DCN: variants seen among roughly 807,000 people sequenced by gnomAD.
The protein encoded by DCN is bone proteoglycan II.
DCN carries 17 observed loss-of-function variants against 36.5 expected under a neutral mutation model. The observed-to-expected ratio is 0.47, with a 90% confidence interval of 0.32 to 0.70. DCN has a LOEUF of 0.70. Ranked by LOEUF, DCN falls within the 30% of genes least tolerant of loss-of-function variation. The pLI is 0.04. For missense variants in DCN, 389 were observed against 430.1 expected, an observed-to-expected ratio of 0.90 and a Z score of 0.84; for synonymous variants, 163 against 161.4, an observed-to-expected ratio of 1.01 and a Z score of -0.07.
At position 91,158,436 on chromosome 12, in the gene DCN, C is replaced by T. The variant is rs766045934; in HGVS notation, c.398G>A (p.Arg133Gln). 2 of 1,610,382 alleles carry T rather than the reference C, an allele frequency of 1.2e-6. No individual in the cohort carries two copies. Among genetic ancestry groups the T allele is most frequent in the Non-Finnish European group, 1.7e-6 (2 of 1,176,658 alleles). ...CAGCTGATTCTTGGACAGATAAAGTCGTTCCAACTTCACCAAAGGTGTAAA... is the reference window on the plus strand; with the variant it reads ...CAGCTGATTCTTGGACAGATAAAGTTGTTCCAACTTCACCAAAGGTGTAAA... ...GAFTPLVKLE[R>Q]LYLSKNQLKE... is the part of the protein sequence containing the mutation. The change falls in exon 4 of 8, where the codon CGA becomes CAA. Residue 133 changes from arginine to glutamine, a missense_variant. Arg to Gln is a conservative substitution (Grantham distance 43). Transcript: ENST00000052754.
intron 2 of DCN, among the ~76,000 whole-genome samples, chr12:91,166,889 T>C (rs1882607037): frequency 6.6e-6 from 1 of 152,208 alleles, no homozygotes; most frequent in Non-Finnish European, 1.5e-5. Context: ...AGTAAATTTA[T>C]GTTTATTGGG....
At chr12:91,148,219 G>C (rs915927725) in intron 7 of DCN, among the ~76,000 whole-genome samples, 1 of 151,680 alleles carries the variant, frequency 6.6e-6, no homozygotes, top group Non-Finnish European at 1.5e-5. Flanking sequence ...GACTACAGGC[G>C]CCCACCACCA....
intron 2 of DCN, among the ~76,000 whole-genome samples, chr12:91,171,857 AT>A (rs945117854): frequency 3.6e-4 from 54 of 151,936 alleles, no homozygotes; most frequent in African/African-American, 1.0e-3. Flanking sequence ...AGCAAATTAA[AT>A]TTTTTTTTAA....
intron 7 of DCN, among the ~76,000 whole-genome samples, chr12:91,147,347 CCTGACCATCCCATT>C (rs1205131671): frequency 6.6e-6 from 1 of 152,152 alleles, no homozygotes; most frequent in Non-Finnish European, 1.5e-5. Context: ...AGAGACCTTC[CCTGACCATCCCATT>C]CTGCCATTCT....
Position 91,142,871 on chromosome 12 carries a change from A to T in DCN, c.*3187T>A, listed in dbSNP as rs1198569486. The T allele has an allele frequency of 2.0e-5, 3 of 152,206 alleles. No homozygotes were observed. The highest frequency in any genetic ancestry group is 7.2e-5 in the African/African-American group (3 of 41,460). 9.4% of individuals were successfully genotyped at this position (152,206 alleles called of 1,614,324 possible). A position where few individuals can be genotyped will look rare whatever the true frequency, so the allele number is the denominator to read the frequency against. On this transcript the variant is annotated 3_prime_UTR_variant, in exon 8 of 8. Coordinates refer to ENST00000052754, the MANE Select transcript of DCN (RefSeq NM_001920.5). ...TAAACATTTAATAAGGAAAAAAGAA[A>T]GTGGATATTAATGATTAAGTTGTGT...
intron 7 of DCN, among the ~76,000 whole-genome samples, chr12:91,146,952 T>C (rs1881066206): frequency 6.6e-6 from 1 of 152,220 alleles, no homozygotes; most frequent in Non-Finnish European, 1.5e-5. Flanking sequence ...TTCCAAATGA[T>C]TGAAGTTGCC....
chr12:91,178,912 G>T (rs1031437214), intron 1 of DCN, among the ~76,000 whole-genome samples: 6 of 152,190 alleles, frequency 3.9e-5, no homozygotes, highest in Middle Eastern at 3.4e-3. Flanking sequence ...GCTTTTCAAT[G>T]CTCACTTAAC....
At chr12:91,147,985 C>T (rs945495744) in intron 7 of DCN, among the ~76,000 whole-genome samples, 1 of 151,736 alleles carries the variant, frequency 6.6e-6, no homozygotes, top group African/African-American at 2.4e-5. Flanking sequence ...TTACAGTTCA[C>T]TTTGAGGATA....
At chr12:91,159,127 A>G (rs1277318189) in intron 3 of DCN, among the ~76,000 whole-genome samples, 2 of 152,192 alleles carry the variant, frequency 1.3e-5, no homozygotes, top group African/African-American at 4.8e-5. Flanking sequence ...AATAATAAAT[A>G]CTGCTAACAA....
Position 91,177,653 on chromosome 12 carries a change from T to C in DCN, c.211+689A>G, listed in dbSNP as rs562792330. The stretch of plus-strand genomic sequence containing the variant: ...GAAAAGATGATAAATCAAACTGTCT[T>C]TAGGGTGTTAGGCTAAAGATATATG... On this transcript the variant is annotated intron_variant, in intron 2 of 7. Coordinates refer to ENST00000052754, the MANE Select transcript of DCN (RefSeq NM_001920.5). 288 of 701,926 alleles carry C rather than the reference T, an allele frequency of 4.1e-4. 3 individuals are homozygous for C. In the South Asian group the frequency reaches 4.2e-3, roughly 10 times the overall value. 43.5% of individuals were successfully genotyped at this position (701,926 alleles called of 1,614,324 possible).
intron 2 of DCN, chr12:91,176,326 T>C (rs1883283751): frequency 6.6e-6 from 1 of 152,032 alleles, no homozygotes; most frequent in Non-Finnish European, 1.5e-5. Flanking sequence ...AGTATATGAG[T>C]CAGTAAACCT....
intron 7 of DCN, among the ~76,000 whole-genome samples, chr12:91,148,748 A>AAT (rs1881212509): frequency 6.7e-6 from 1 of 149,840 alleles, no homozygotes; most frequent in African/African-American, 2.5e-5. Context: ...AAAAAAAAAA[A>AAT]ATTTGAAATA....
chr12:91,141,802 G>A lies in DCN; in HGVS notation c.*4256C>T, dbSNP rs994179957. On this transcript the variant is annotated 3_prime_UTR_variant, in exon 8 of 8. Coordinates refer to ENST00000052754, the MANE Select transcript of DCN (RefSeq NM_001920.5). ...CACTGCAGAATGTGTGGCCTGGGAA[G>A]AGTCTCCTGATCTCCAATGCCTAAG... is the stretch of plus-strand genomic sequence containing the variant. 1 of 152,076 alleles carries A rather than the reference G, an allele frequency of 6.6e-6. No homozygotes were observed. Among genetic ancestry groups the A allele is most frequent in the Non-Finnish European group, 1.5e-5 (1 of 67,998 alleles). The allele number at this position is 152,076 out of a possible 1,614,324, so 9.4% of individuals were successfully genotyped here. A position where few individuals can be genotyped will look rare whatever the true frequency, so the allele number is the denominator to read the frequency against.
At position 91,151,639 on chromosome 12, in the gene DCN, G is replaced by C. The variant is rs1217037094; in HGVS notation, c.885+15C>G. The C allele has an allele frequency of 1.2e-6, 2 of 1,613,870 alleles. No individual in the cohort carries two copies. Among genetic ancestry groups the C allele is most frequent in the Non-Finnish European group, 1.7e-6 (2 of 1,179,866 alleles). ...TTTTTGGATATTCCTCACATAAGCA[G>C]TGGCTTTGCATTACCTGGATGTACT... On this transcript the variant is annotated intron_variant, in intron 7 of 7. Transcript: ENST00000052754.
At chr12:91,178,727 A>C in intron 1 of DCN, 142 bp from the exon 2 acceptor site, 1 of 657,294 alleles carries the variant, frequency 1.5e-6, no homozygotes, top group Non-Finnish European at 2.7e-6. Flanking sequence ...AGAGCATTAA[A>C]AATGTATTGA....
chr12:91,173,169 G>T (rs907532622), intron 2 of DCN, among the ~76,000 whole-genome samples: 1 of 151,904 alleles, frequency 6.6e-6, no homozygotes, highest in Non-Finnish European at 1.5e-5. Context: ...TTTTGAAGGA[G>T]AAAAGTTAAG....
intron 7 of DCN, among the ~76,000 whole-genome samples, chr12:91,149,491 G>A (rs1345558794): frequency 1.3e-5 from 2 of 152,092 alleles, no homozygotes; most frequent in African/African-American, 2.4e-5. Context: ...GGCTAACATC[G>A]TAACTAATGG....
intron 2 of DCN, among the ~76,000 whole-genome samples, chr12:91,170,914 T>A (rs1312077105): frequency 1.3e-5 from 2 of 152,150 alleles, no homozygotes; most frequent in Non-Finnish European, 2.9e-5. Flanking sequence ...CCTACCTTAA[T>A]TTTTTTAACT....
At chr12:91,146,515 CCGG>C in intron 7 of DCN, among the ~76,000 whole-genome samples, 1 of 151,852 alleles carries the variant, frequency 6.6e-6, no homozygotes, top group Non-Finnish European at 1.5e-5. Context: ...CACACCATGC[CCGG>C]CTAATTTTTG....
Sources: gnomAD v4.1 joint callset for allele counts (sites outside exome capture counted in the v4.1 genomes callset) on GRCh38, gnomAD v4.1.1 for gene constraint, MANE v1.5 for transcripts, NCBI Gene and HGNC (gene_info 2026-07-23, HGNC 2026-07-21) for gene names.